The following FREM1 variants were observed in gnomAD, a reference collection of about 807,000 sequenced individuals.
The protein encoded by FREM1 is FRAS1-related extracellular matrix protein 1.
A neutral mutation model predicts 210.1 loss-of-function variants in FREM1; 220 were observed. That is an observed-to-expected ratio of 1.05 (90% confidence interval 0.94 to 1.17). FREM1 has a LOEUF of 1.17. FREM1 is among the 50% of genes most tolerant of loss of function. The probability of loss-of-function intolerance (pLI) is 0.00; values close to 1 mark genes in which losing one functional copy is unlikely to be tolerated. For missense variants in FREM1, 3,454 were observed against 2,675.5 expected (o/e 1.29, Z -6.42); for synonymous variants, 1,189 against 980.2 (o/e 1.21, Z -3.98).
In FREM1 at chr9:14,737,173, A is replaced by T. The variant is rs1840543172; in HGVS notation, c.*223T>A. The T allele has an allele frequency of 2.2e-6, 1 of 447,908 alleles. No homozygotes were observed. The highest frequency in any genetic ancestry group is 3.9e-5 in the Admixed American group (1 of 25,952). The allele number at this position is 447,908 out of a possible 1,614,324, so 27.7% of individuals were successfully genotyped here. A position where few individuals can be genotyped will look rare whatever the true frequency, so the allele number is the denominator to read the frequency against. ...ACACTTTATAATACTGCTGGCATTT[A>T]TTTTAAAAGGTATTGAGATACAAAA... On this transcript the variant is annotated 3_prime_UTR_variant, in exon 37 of 37. Transcript: ENST00000380880.
intron 20 of FREM1, among the ~76,000 whole-genome samples, chr9:14,800,867 C>T (rs1486907852): frequency 6.6e-6 from 1 of 151,892 alleles, no homozygotes; most frequent in Non-Finnish European, 1.5e-5. Context: ...GTATTATTAC[C>T]TTTTCTAGGT....
chr9:14,832,246 C>G (rs1823699148), intron 10 of FREM1, among the ~76,000 whole-genome samples: 1 of 152,206 alleles, frequency 6.6e-6, no homozygotes, highest in South Asian at 2.1e-4. Flanking sequence ...AAGTTCCCTT[C>G]TCATTGCAGG....
intron 5 of FREM1, 120 bp from the exon 6 acceptor site, chr9:14,851,727 C>T: frequency 1.2e-6 from 1 of 825,666 alleles, no homozygotes; most frequent in Non-Finnish European, 2.0e-6. Flanking sequence ...GACCTGAAGC[C>T]TGGCTGCATA....
chr9:14,771,260 T>C (rs1847519448), intron 25 of FREM1, among the ~76,000 whole-genome samples: 1 of 152,184 alleles, frequency 6.6e-6, no homozygotes, highest in African/African-American at 2.4e-5. Context: ...TATTTAGTGA[T>C]TTACAGACAC....
chr9:14,810,279 C>T (rs181809564), intron 16 of FREM1, among the ~76,000 whole-genome samples: 2 of 152,048 alleles, frequency 1.3e-5, no homozygotes, highest in Admixed American at 1.3e-4. Context: ...ATTGAGTAAC[C>T]ACAATTTCTC....
rs546439132 is a variant in FREM1, at chr9:14,789,906, T to C, written c.3982-792A>G. Among the ~76,000 whole-genome samples the C allele has an allele frequency of 8.5e-5, 13 of 152,302 alleles. No homozygotes were observed. The South Asian group carries it at 2.5e-3, about 29-fold the overall frequency. Reference sequence around the variant, plus strand: ...ATCTTATTAATAATCCTATTATTGTTCATTTAAGGTACATAGCTTTCCCTA... The same window carrying C: ...ATCTTATTAATAATCCTATTATTGTCCATTTAAGGTACATAGCTTTCCCTA... On this transcript the variant is annotated intron_variant, in intron 22 of 36. Transcript: ENST00000380880.
At chr9:14,882,054 G>A (rs1834886083) in intron 1 of FREM1, among the ~76,000 whole-genome samples, 1 of 152,122 alleles carries the variant, frequency 6.6e-6, no homozygotes, top group African/African-American at 2.4e-5. Context: ...CATTCATCCA[G>A]AATTTTACAC....
At chr9:14,864,395 T>G (rs1831141018) in intron 2 of FREM1, among the ~76,000 whole-genome samples, 1 of 152,132 alleles carries the variant, frequency 6.6e-6, no homozygotes, top group South Asian at 2.1e-4. Context: ...TATTCTCATA[T>G]TCAAAGATGA....
intron 1 of FREM1, among the ~76,000 whole-genome samples, chr9:14,879,847 A>G (rs78702612): frequency 0.047 from 7,145 of 152,250 alleles, 565 homozygotes; most frequent in African/African-American, 0.16. Context: ...AAATATGGAC[A>G]GACAAGCATT....
Position 14,746,434 on chromosome 9 carries a change from T to G in FREM1, c.6173A>C (p.His2058Pro). The G allele has an allele frequency of 6.2e-7, 1 of 1,613,882 alleles. No homozygotes were observed. The highest frequency in any genetic ancestry group is 8.5e-7 in the Non-Finnish European group (1 of 1,179,766). The change falls in exon 35 of 37, where the codon CAC becomes CCC. Residue 2058 changes from histidine to proline, a missense_variant. His to Pro is a moderately conservative substitution (Grantham distance 77, BLOSUM62 -2). Coordinates refer to ENST00000380880, the MANE Select transcript of FREM1 (RefSeq NM_001379081.2). ...GATGTGACAGTAGCCTGAGTGCTGGTGCCACCCGGCTGGACAGGATTTGTC... is the reference window on the plus strand; with the variant it reads ...GATGTGACAGTAGCCTGAGTGCTGGGGCCACCCGGCTGGACAGGATTTGTC... ...VEDKSCPAGW[H>P]QHSGYCHILI... is the part of the protein sequence containing the mutation.
intron 21 of FREM1, 132 bp downstream of exon 21, chr9:14,797,366 G>A (rs1852619982): frequency 3.4e-6 from 2 of 592,550 alleles, no homozygotes; most frequent in Admixed American, 3.7e-5. Context: ...ATGCCTGAGT[G>A]GCAGGGGCAA....
Position 14,738,177 on chromosome 9 carries a change from C to A in FREM1, c.6341-582G>T, listed in dbSNP as rs1477273538. 9.2e-5 allele frequency among the ~76,000 whole-genome samples: 14 copies of A among 152,224 alleles called. No individual in the cohort carries two copies. In the East Asian group the frequency reaches 2.5e-3, roughly 27 times the overall value. On this transcript the variant is annotated intron_variant, in intron 36 of 36. Coordinates refer to ENST00000380880, the MANE Select transcript of FREM1 (RefSeq NM_001379081.2). Reference sequence around the variant, plus strand: ...CGACTTGCCTCTCTACCTCCACTGGCAAATTTTGCAAATTACACTTTAATG... The same window carrying A: ...CGACTTGCCTCTCTACCTCCACTGGAAAATTTTGCAAATTACACTTTAATG...
At chr9:14,823,936 C>T in intron 12 of FREM1, 89 bp downstream of exon 12, 1 of 640,166 alleles carries the variant, frequency 1.6e-6, no homozygotes, top group East Asian at 3.0e-5. Flanking sequence ...TGTCAAAGAC[C>T]AACATTCTCA....
At chr9:14,768,991 C>T (rs1847017809) in intron 27 of FREM1, among the ~76,000 whole-genome samples, 1 of 152,064 alleles carries the variant, frequency 6.6e-6, no homozygotes, top group African/African-American at 2.4e-5. Flanking sequence ...CAGCACAGTA[C>T]CAGAATAACT....
intron 10 of FREM1, among the ~76,000 whole-genome samples, chr9:14,827,226 A>G (rs1247433652): frequency 6.6e-6 from 1 of 152,220 alleles, no homozygotes; most frequent in East Asian, 1.9e-4. Flanking sequence ...TAATCAGAAC[A>G]TTGGTAGACA....
intron 1 of FREM1, among the ~76,000 whole-genome samples, chr9:14,877,249 G>C (rs1369901811): frequency 6.6e-6 from 1 of 151,822 alleles, no homozygotes; most frequent in East Asian, 1.9e-4. Context: ...CTTAACTCTA[G>C]ATTTGCACAT....
intron 21 of FREM1, 84 bp from the exon 22 acceptor site, chr9:14,792,968 C>A: frequency 1.2e-6 from 1 of 807,704 alleles, no homozygotes; most frequent in Non-Finnish European, 1.9e-6. Context: ...TATCACAGTT[C>A]CCAATCTTCA....
At chr9:14,866,160 C>G (rs780685912) in intron 2 of FREM1, among the ~76,000 whole-genome samples, 78 of 152,142 alleles carry the variant, frequency 5.1e-4, no homozygotes, top group Non-Finnish European at 2.4e-4. Context: ...TCTCAGCAAC[C>G]AAGGCAATTT....
At chr9:14,782,308 A>C (rs1204117359) in intron 24 of FREM1, 32 of 940,332 alleles carry the variant, frequency 3.4e-5, no homozygotes, top group Non-Finnish European at 3.2e-5. Flanking sequence ...AAATTTTTAC[A>C]GTATTGCCAA....
Sources: gnomAD v4.1 joint callset for allele counts (sites outside exome capture counted in the v4.1 genomes callset) on GRCh38, gnomAD v4.1.1 for gene constraint, MANE v1.5 for transcripts, NCBI Gene and HGNC (gene_info 2026-07-23, HGNC 2026-07-21) for gene names.